The following LYST variants were observed in gnomAD, a reference collection of about 807,000 sequenced individuals.
LYST encodes the protein lysosomal trafficking regulator.
A neutral mutation model predicts 413.6 loss-of-function variants in LYST; 192 were observed. The ratio of observed to expected loss-of-function variants is 0.46; its 90% CI spans 0.41 to 0.52. The LOEUF (loss-of-function observed/expected upper bound fraction) is 0.52, where lower values mean the gene tolerates loss of function less well. Ranked by LOEUF, LYST falls within the 20% of genes least tolerant of loss-of-function variation. The pLI, the probability that LYST is intolerant of heterozygous loss-of-function variation, is 0.00. For missense variants in LYST, 3,815 were observed against 4,499.9 expected, an observed-to-expected ratio of 0.85 and a Z score of 4.35; for synonymous variants, 1,525 against 1,567.3, an observed-to-expected ratio of 0.97 and a Z score of 0.64.
intron 4 of LYST, among the ~76,000 whole-genome samples, chr1:235,812,721 T>A (rs1673591394): frequency 6.6e-6 from 1 of 152,184 alleles, no homozygotes; most frequent in Non-Finnish European, 1.5e-5. Flanking sequence ...CTCCTTCTGA[T>A]AAGTGTTTCT....
chr1:235,746,720 T>C lies in LYST; in HGVS notation c.7781-193A>G, dbSNP rs1259406184. Among the ~76,000 whole-genome samples the C allele has an allele frequency of 3.3e-5, 5 of 152,204 alleles. 1 individual carries two copies. The highest frequency in any genetic ancestry group is 7.2e-5 in the African/African-American group (3 of 41,442). On this transcript the variant is annotated intron_variant, in intron 28 of 52. Coordinates refer to ENST00000389793, the MANE Select transcript of LYST (RefSeq NM_000081.4). ...CTTTGAAGAAGTGCAACAGTACTTT[T>C]GGTTTCAAAGTCCTAAATAACAATG...
At chr1:235,759,663 C>T in intron 22 of LYST, 64 bp from the exon 23 acceptor site, 1 of 1,223,100 alleles carries the variant, frequency 8.2e-7, no homozygotes, top group Non-Finnish European at 1.2e-6. Flanking sequence ...CTCTCTTTTG[C>T]ATTATAAATC....
At chr1:235,690,328 C>T (rs1471987262) in intron 47 of LYST, among the ~76,000 whole-genome samples, 1 of 152,136 alleles carries the variant, frequency 6.6e-6, no homozygotes, top group East Asian at 1.9e-4. Context: ...AAAAAGGGTG[C>T]AGTAAGGGAC....
chr1:235,804,359 A>G, intron 7 of LYST, 145 bp downstream of exon 7: 1 of 726,630 alleles, frequency 1.4e-6, no homozygotes, highest in Non-Finnish European at 2.5e-6. Context: ...CATATCCATC[A>G]CGAGGAGATA....
chr1:235,775,499 C>T (rs992642171), intron 17 of LYST, among the ~76,000 whole-genome samples: 1 of 152,194 alleles, frequency 6.6e-6, no homozygotes, highest in African/African-American at 2.4e-5. Flanking sequence ...ATAAAAACCA[C>T]ATGTCCTGCC....
At chr1:235,718,338 G>A (rs1209139110) in intron 40 of LYST, among the ~76,000 whole-genome samples, 2 of 151,332 alleles carry the variant, frequency 1.3e-5, no homozygotes, top group Non-Finnish European at 2.9e-5. Context: ...AGATGTTTTT[G>A]TATTTATCTG....
At chr1:235,726,670 C>T (rs1663901340) in intron 38 of LYST, among the ~76,000 whole-genome samples, 1 of 152,076 alleles carries the variant, frequency 6.6e-6, no homozygotes, top group Non-Finnish European at 1.5e-5. Context: ...AAAAATTTTC[C>T]TCTTTATTTA....
rs750126016 is a variant in LYST, at chr1:235,757,417, T to A, written c.6923A>T (p.Tyr2308Phe). ...AAGAAGAACCCCACTTAGGAGTTCATATAATCCACAGCATATAGGTACCAA... is the reference window on the plus strand; with the variant it reads ...AAGAAGAACCCCACTTAGGAGTTCAAATAATCCACAGCATATAGGTACCAA... ...DCLVPICCGL[Y>F]ELLSGVLLIL... The change falls in exon 24 of 53, where the codon TAT becomes TTT. Residue 2308 changes from tyrosine to phenylalanine, a missense_variant. Coordinates refer to ENST00000389793, the MANE Select transcript of LYST (RefSeq NM_000081.4). The A allele has an allele frequency of 1.2e-6, 2 of 1,613,742 alleles. No homozygotes were observed. Among genetic ancestry groups the A allele is most frequent in the Non-Finnish European group, 1.7e-6 (2 of 1,179,804 alleles).
intron 46 of LYST, among the ~76,000 whole-genome samples, chr1:235,696,767 G>A (rs1372821659): frequency 2.0e-5 from 3 of 152,138 alleles, no homozygotes; most frequent in Non-Finnish European, 4.4e-5. Context: ...AGATTTGTTG[G>A]TCAAATACGT....
At chr1:235,707,352 C>T (rs1159729016) in intron 44 of LYST, among the ~76,000 whole-genome samples, 1 of 152,092 alleles carries the variant, frequency 6.6e-6, no homozygotes, top group Admixed American at 6.6e-5. Flanking sequence ...GTAGGCCAGA[C>T]ATGGTGGCTC....
chr1:235,760,429 A>AGGG (rs1667475495), intron 22 of LYST, among the ~76,000 whole-genome samples: 1 of 152,172 alleles, frequency 6.6e-6, no homozygotes, highest in African/African-American at 2.4e-5. Context: ...TAGTGAGAAT[A>AGGG]GTTTCTTTTC....
At chr1:235,830,120 G>A in intron 3 of LYST, 106 bp downstream of exon 3, 1 of 804,848 alleles carries the variant, frequency 1.2e-6, no homozygotes, top group South Asian at 1.5e-5. Context: ...GTGAAAGACT[G>A]GACTTTATCT....
chr1:235,695,924 C>T lies in LYST; in HGVS notation c.10564+1159G>A, dbSNP rs554298316. 6.6e-5 allele frequency among the ~76,000 whole-genome samples: 10 copies of T among 152,172 alleles called. 1 individual carries two copies. The highest frequency in any genetic ancestry group is 6.5e-5 in the Admixed American group (1 of 15,268). On this transcript the variant is annotated intron_variant, in intron 46 of 52. Transcript: ENST00000389793. ...TGCTGGGATTACAGGCTTGAGCCAC[C>T]GCACCCAGCCTACTGTACTCTAATT...
At chr1:235,744,606 G>GAA (rs111899529) in intron 29 of LYST, among the ~76,000 whole-genome samples, 168 of 148,742 alleles carry the variant, frequency 1.1e-3, no homozygotes, top group African/African-American at 3.4e-3. Context: ...TAGAAAAGTG[G>GAA]AAAAAAAAAA....
intron 3 of LYST, among the ~76,000 whole-genome samples, chr1:235,823,763 C>T (rs750253633): frequency 7.9e-5 from 12 of 152,202 alleles, no homozygotes; most frequent in Non-Finnish European, 8.8e-5. Flanking sequence ...CTCTTTACAT[C>T]GCCAATTCCT....
chr1:235,664,401 A>T lies in LYST; in HGVS notation c.11195+64T>A. The T allele has an allele frequency of 6.7e-7, 1 of 1,488,986 alleles. No individual in the cohort carries two copies. Among genetic ancestry groups the T allele is most frequent in the Non-Finnish European group, 9.4e-7 (1 of 1,069,210 alleles). 92.2% of individuals were successfully genotyped at this position (1,488,986 alleles called of 1,614,324 possible). A position where few individuals can be genotyped will look rare whatever the true frequency, so the allele number is the denominator to read the frequency against. The stretch of plus-strand genomic sequence containing the variant: ...TTAATATGCCTAGATATTAAAAATT[A>T]ATTTCTGAAACTCCTGTGTCCTTAT... On this transcript the variant is annotated intron_variant, in intron 51 of 52. Transcript: ENST00000389793. The surrounding 1 kb of genome is among the most constrained non-coding windows in gnomAD (Gnocchi z 4.5).
Position 235,857,411 on chromosome 1 carries a change from G to A in LYST, c.-98+9432C>T, listed in dbSNP as rs142858690. ...TGGGTACATCTTCCTATATAAGGAT[G>A]TTGGGATTTGAAGAAAGTTCTAGAT... On this transcript the variant is annotated intron_variant, in intron 1 of 52. Transcript: ENST00000389793. Among the ~76,000 whole-genome samples the A allele has an allele frequency of 5.1e-3, 781 of 152,198 alleles. 7 individuals are homozygous for A. Among genetic ancestry groups the A allele is most frequent in the Middle Eastern group, 0.027 (8 of 294 alleles).
chr1:235,744,000 T>C lies in LYST; in HGVS notation c.8130A>G (p.Val2710=). 1 of 1,480,508 alleles carries C rather than the reference T, an allele frequency of 6.8e-7. No individual in the cohort carries two copies. Among genetic ancestry groups the C allele is most frequent in the Non-Finnish European group, 9.4e-7 (1 of 1,060,094 alleles). The allele number at this position is 1,480,508 out of a possible 1,614,324, so 91.7% of individuals were successfully genotyped here. ...PFQKEIFTYL[V]EGFKVSIGSS... is the part of the protein sequence containing the mutation. ...TTACAATAGATACTTTGAATCCTTC[T>C]ACCAGATATGTAAAAATTTCTTTCT... Residue 2710 remains valine, a synonymous_variant, in exon 30 of 53, where the codon GTA becomes GTG. Transcript: ENST00000389793.
rs141754386 is a variant in LYST, at chr1:235,674,718, G to A, written c.11038+2373C>T. ...TAACATAATATTGGCCAAAAAGGGC[G>A]GGGTCTGTGTCATGATTGGAGTCCA... On this transcript the variant is annotated intron_variant, in intron 50 of 52. Transcript: ENST00000389793. This position sits in a 1 kb window ranked among gnomAD's most constrained non-coding sequence, Gnocchi z 4.1. Among the ~76,000 whole-genome samples, 39 of 152,310 alleles carry A rather than the reference G, an allele frequency of 2.6e-4. No individual in the cohort carries two copies. The highest frequency in any genetic ancestry group is 2.2e-4 in the Non-Finnish European group (15 of 68,022).
Sources: gnomAD v4.1 joint callset for allele counts (sites outside exome capture counted in the v4.1 genomes callset) on GRCh38, gnomAD v4.1.1 for gene constraint, Gnocchi (gnomAD v3.1) non-coding constraint, MANE v1.5 for transcripts, NCBI Gene and HGNC (gene_info 2026-07-23, HGNC 2026-07-21) for gene names.